ZNF267: variants seen among roughly 807,000 people sequenced by gnomAD.
The protein encoded by ZNF267 is zinc finger (C2H2).
In ZNF267, 61 loss-of-function variants were observed where a neutral mutation model predicts 71.6. The ratio of observed to expected loss-of-function variants is 0.85; its 90% CI spans 0.69 to 1.05. ZNF267 has a LOEUF of 1.05. Among genes scored for constraint, ZNF267 ranks in the 50% least tolerant of loss-of-function variants. The pLI is 0.00. For missense variants in ZNF267, 852 were observed against 870.0 expected, an observed-to-expected ratio of 0.98 and a Z score of 0.26; for synonymous variants, 288 against 293.2, an observed-to-expected ratio of 0.98 and a Z score of 0.18.
intron 3 of ZNF267, among the ~76,000 whole-genome samples, chr16:31,909,759 G>A (rs572982551): frequency 4.5e-4 from 68 of 152,112 alleles, no homozygotes; most frequent in Non-Finnish European, 9.7e-4. Flanking sequence ...GTTTTTTCTC[G>A]TTTTACTGCT....
intron 3 of ZNF267, among the ~76,000 whole-genome samples, chr16:31,888,855 G>A (rs141918641): frequency 2.4e-3 from 361 of 152,002 alleles, no homozygotes; most frequent in Non-Finnish European, 4.1e-3. Flanking sequence ...TTTTCTTTCA[G>A]TTTTTTGGAA....
chr16:31,875,105 G>A (rs1459031369), intron 1 of ZNF267: 1 of 1,288,056 alleles, frequency 7.8e-7, no homozygotes, highest in African/African-American at 1.5e-5. Context: ...ACACGTTATC[G>A]GAAAGAATGT....
intron 3 of ZNF267, among the ~76,000 whole-genome samples, chr16:31,897,011 C>G (rs924002067): frequency 6.6e-6 from 1 of 151,696 alleles, no homozygotes; most frequent in Non-Finnish European, 1.5e-5. Flanking sequence ...TGCTAGGTAT[C>G]TTAATTTTAG....
Position 31,885,244 on chromosome 16 carries a change from GC to G in ZNF267, c.216del (p.Ile73SerfsTer14). On this transcript the variant is annotated frameshift_variant, in exon 3 of 4. Coordinates refer to ENST00000300870, the MANE Select transcript of ZNF267 (RefSeq NM_003414.6). LOFTEE classifies it high-confidence loss of function. ...PWNVKSEETV[A>X]IQPDVFSHYN... ...GAATGTGAAGAGTGAGGAGACAGTA[GC>G]CATCCAGCCAGGTAGGTGGGAGCGA... 1 of 1,606,858 alleles carries G rather than the reference GC, an allele frequency of 6.2e-7. No homozygotes were observed. The highest frequency in any genetic ancestry group is 1.1e-5 in the South Asian group (1 of 90,454).
chr16:31,902,999 G>A (rs62052286), intron 3 of ZNF267, among the ~76,000 whole-genome samples: 9,945 of 152,252 alleles, frequency 0.065, 433 homozygotes, highest in Non-Finnish European at 0.1. Flanking sequence ...AGCATGAAGC[G>A]TTGTTGAATT....
intron 3 of ZNF267, among the ~76,000 whole-genome samples, chr16:31,901,109 G>A (rs1026795305): frequency 3.3e-5 from 5 of 152,062 alleles, no homozygotes; most frequent in African/African-American, 1.2e-4. Context: ...CTTCATCCAT[G>A]TCCCTACAAA....
At chr16:31,886,516 C>T (rs182491942) in intron 3 of ZNF267, among the ~76,000 whole-genome samples, 3 of 152,230 alleles carry the variant, frequency 2.0e-5, no homozygotes, top group Admixed American at 1.3e-4. Flanking sequence ...CTATCTAATG[C>T]CTGATGATCT....
In ZNF267 at chr16:31,905,419, A is replaced by G. The variant is rs146989003; in HGVS notation, c.227-9057A>G. Among the ~76,000 whole-genome samples, 19 of 152,314 alleles carry G rather than the reference A, an allele frequency of 1.2e-4. 1 individual carries two copies. In the East Asian group the frequency reaches 3.7e-3, roughly 29 times the overall value. On this transcript the variant is annotated intron_variant, in intron 3 of 3. Coordinates refer to ENST00000300870, the MANE Select transcript of ZNF267 (RefSeq NM_003414.6). ...TCCATTCTCCTCGTCACTTTCAGGTACACCAATGAGACGTAGATTTGGTCT... is the reference window on the plus strand; with the variant it reads ...TCCATTCTCCTCGTCACTTTCAGGTGCACCAATGAGACGTAGATTTGGTCT...
intron 1 of ZNF267, among the ~76,000 whole-genome samples, chr16:31,876,677 A>G (rs931829670): frequency 1.3e-5 from 2 of 152,364 alleles, no homozygotes; most frequent in African/African-American, 2.4e-5. Context: ...ATAAATTATA[A>G]AGGCGTTTCA....
intron 3 of ZNF267, chr16:31,911,826 T>C (rs1485909229): frequency 6.6e-6 from 1 of 151,568 alleles, no homozygotes; most frequent in African/African-American, 2.4e-5. Context: ...CTGTTGTATG[T>C]TTTTTTATTT....
chr16:31,907,987 G>T (rs2055560897), intron 3 of ZNF267, among the ~76,000 whole-genome samples: 1 of 151,746 alleles, frequency 6.6e-6, no homozygotes, highest in South Asian at 2.1e-4. Flanking sequence ...AGCTTGCAGT[G>T]AACCAAGATA....
At chr16:31,886,401 C>T (rs2083924729) in intron 3 of ZNF267, among the ~76,000 whole-genome samples, 1 of 152,196 alleles carries the variant, frequency 6.6e-6, no homozygotes, top group South Asian at 2.1e-4. Context: ...TGCCTGATCG[C>T]TGCCTCCTCT....
chr16:31,874,614 G>A (rs1271227073), intron 1 of ZNF267, among the ~76,000 whole-genome samples: 1 of 152,170 alleles, frequency 6.6e-6, no homozygotes, highest in African/African-American at 2.4e-5. Flanking sequence ...CCCTAAAGTT[G>A]TAATTTACAA....
chr16:31,891,843 G>A (rs1033011690), intron 3 of ZNF267, among the ~76,000 whole-genome samples: 3 of 152,184 alleles, frequency 2.0e-5, no homozygotes, highest in African/African-American at 4.8e-5. Context: ...GGTACCAGTA[G>A]AGTGAGGTGC....
chr16:31,893,143 G>T (rs1197081860), intron 3 of ZNF267, among the ~76,000 whole-genome samples: 1 of 152,240 alleles, frequency 6.6e-6, no homozygotes, highest in Non-Finnish European at 1.5e-5. Flanking sequence ...CTCGACTTCT[G>T]TACACTCACA....
At chr16:31,887,605 CTACTT>C (rs1466692434) in intron 3 of ZNF267, among the ~76,000 whole-genome samples, 1 of 152,088 alleles carries the variant, frequency 6.6e-6, no homozygotes, top group Non-Finnish European at 1.5e-5. Flanking sequence ...TTGCAGATGA[CTACTT>C]TCTTTCAGCA....
intron 3 of ZNF267, among the ~76,000 whole-genome samples, chr16:31,895,194 G>A (rs576901259): frequency 2.6e-5 from 4 of 152,322 alleles, no homozygotes; most frequent in East Asian, 1.9e-4. Flanking sequence ...GGCAGCCTGC[G>A]GCCAGACATT....
Position 31,884,523 on chromosome 16 carries a change from C to A in ZNF267, c.29C>A (p.Ala10Asp). The A allele has an allele frequency of 6.2e-7, 1 of 1,614,042 alleles. No individual in the cohort carries two copies. Among genetic ancestry groups the A allele is most frequent in the Non-Finnish European group, 8.5e-7 (1 of 1,179,982 alleles). Residue 10 changes from alanine to aspartate, a missense_variant, in exon 2 of 4, where the codon GCC (alanine) becomes GAC (aspartate). Coordinates refer to ENST00000300870, the MANE Select transcript of ZNF267 (RefSeq NM_003414.6). MGLLTFRDV[A>D]VEFSLEEWEH... is the part of the protein sequence containing the mutation. ...GGACTGTTGACATTCAGGGATGTGG[C>A]CGTAGAATTCTCTTTGGAGGAGTGG... is the stretch of plus-strand genomic sequence containing the variant.
At chr16:31,914,244 G>A (rs1596632234) in intron 3 of ZNF267, 1 of 451,604 alleles carries the variant, frequency 2.2e-6, no homozygotes, top group East Asian at 3.5e-5. Context: ...GCTGCTGAGG[G>A]GCAAGGGCAA....
Sources: gnomAD v4.1 joint callset for allele counts (sites outside exome capture counted in the v4.1 genomes callset) on GRCh38, gnomAD v4.1.1 for gene constraint, MANE v1.5 for transcripts, NCBI Gene and HGNC (gene_info 2026-07-23, HGNC 2026-07-21) for gene names.